ARFGEF3: variants seen among roughly 807,000 people sequenced by gnomAD.
ARFGEF3 encodes the protein ARFGEF family member 3.
ARFGEF3 carries 96 observed loss-of-function variants against 221.7 expected under a neutral mutation model. That is an observed-to-expected ratio of 0.43 (90% confidence interval 0.37 to 0.51). The LOEUF (loss-of-function observed/expected upper bound fraction) is 0.51, where lower values mean the gene tolerates loss of function less well. Ranked by LOEUF, ARFGEF3 falls within the 20% of genes least tolerant of loss-of-function variation. The pLI is 0.00. For synonymous variants in ARFGEF3, 1,145 were observed against 1,126.8 expected, an observed-to-expected ratio of 1.02 and a Z score of -0.32; for missense variants, 2,410 against 2,789.9, an observed-to-expected ratio of 0.86 and a Z score of 3.07.
At position 138,317,294 on chromosome 6, in the gene ARFGEF3, G is replaced by A. The variant is rs765503622; in HGVS notation, c.4389G>A (p.Ala1463=). Residue 1463 remains alanine, a synonymous_variant, in exon 27 of 34, where the codon GCG becomes GCA. Coordinates refer to ENST00000251691, the MANE Select transcript of ARFGEF3 (RefSeq NM_020340.5). ...TAATCCTGCTGGAGCAGCTGACAGC[G>A]GCTGTGTCCAATTGTCCACGGCAGC... ...VWIILLEQLT[A]AVSNCPRQHQ... is the part of the protein sequence containing the mutation. 2.2e-5 allele frequency: 36 copies of A among 1,613,626 alleles called. No homozygotes were observed. Among genetic ancestry groups the A allele is most frequent in the African/African-American group, 1.1e-4 (8 of 74,924 alleles).
At chr6:138,215,418 A>G in intron 4 of ARFGEF3, among the ~76,000 whole-genome samples, 1 of 152,158 alleles carries the variant, frequency 6.6e-6, no homozygotes, top group East Asian at 1.9e-4. Context: ...GCATTTTTAG[A>G]TAATAGAAGT....
chr6:138,243,065 G>T lies in ARFGEF3; in HGVS notation c.586+71G>T. The stretch of plus-strand genomic sequence containing the variant: ...AGAATGCCTACTGTGTGCTTGGAGT[G>T]AGGGGTACAAAGATGTCTAGGAGCT... On this transcript the variant is annotated intron_variant, in intron 7 of 33. Transcript: ENST00000251691. The T allele has an allele frequency of 2.5e-6, 3 of 1,221,722 alleles. No homozygotes were observed. The East Asian group carries it at 7.1e-5, about 29-fold the overall frequency. The allele number at this position is 1,221,722 out of a possible 1,614,324, so 75.7% of individuals were successfully genotyped here. A position where few individuals can be genotyped will look rare whatever the true frequency, so the allele number is the denominator to read the frequency against.
At chr6:138,260,604 A>G (rs1437049852) in intron 10 of ARFGEF3, among the ~76,000 whole-genome samples, 1 of 152,232 alleles carries the variant, frequency 6.6e-6, no homozygotes, top group African/African-American at 2.4e-5. Flanking sequence ...CTAATTCTCC[A>G]GCTTAGTTAG....
Position 138,292,166 on chromosome 6 carries a change from C to A in ARFGEF3, c.3368+113C>A, listed in dbSNP as rs369355132. Reference sequence around the variant, plus strand: ...CCATTTGTTAGCCAATCACTTAAATCTCTTCCATCTTTTTCAAGCTTAGTT... The same window carrying A: ...CCATTTGTTAGCCAATCACTTAAATATCTTCCATCTTTTTCAAGCTTAGTT... On this transcript the variant is annotated intron_variant, in intron 19 of 33. Coordinates refer to ENST00000251691, the MANE Select transcript of ARFGEF3 (RefSeq NM_020340.5). 818 of 890,282 alleles carry A rather than the reference C, an allele frequency of 9.2e-4. 6 individuals carry two copies. The South Asian group carries it at 0.02, about 21-fold the overall frequency. The allele number at this position is 890,282 out of a possible 1,614,324, so 55.1% of individuals were successfully genotyped here.
intron 25 of ARFGEF3, among the ~76,000 whole-genome samples, chr6:138,313,562 G>T (rs1009919925): frequency 4.2e-4 from 64 of 152,284 alleles, no homozygotes; most frequent in African/African-American, 1.5e-3. Flanking sequence ...ATTATCCATA[G>T]GATCCTTTTT....
Position 138,262,878 on chromosome 6 carries a change from T to C in ARFGEF3, c.1395T>C (p.Ala465=), listed in dbSNP as rs1778818864. Residue 465 remains alanine (A), a synonymous_variant, in exon 12 of 34, where the codon GCT becomes GCC. Transcript: ENST00000251691. Reference sequence around the variant, plus strand: ...GCCTTGAGGAGCTGAAGGATGGGGCTGAGTGGAGCCGAGATTCCATGGAGA... The same window carrying C: ...GCCTTGAGGAGCTGAAGGATGGGGCCGAGTGGAGCCGAGATTCCATGGAGA... ...LLRLEELKDG[A]EWSRDSMEIN... The C allele has an allele frequency of 6.2e-7, 1 of 1,613,658 alleles. No homozygotes were observed. Among genetic ancestry groups the C allele is most frequent in the African/African-American group, 1.3e-5 (1 of 74,928 alleles).
chr6:138,312,606 C>T (rs1026155910), intron 25 of ARFGEF3, among the ~76,000 whole-genome samples: 10 of 152,160 alleles, frequency 6.6e-5, no homozygotes, highest in African/African-American at 2.4e-4. Context: ...GGACTCTCTC[C>T]CCAGATTCTA....
chr6:138,259,001 C>T (rs1334182649), intron 10 of ARFGEF3, among the ~76,000 whole-genome samples: 1 of 152,208 alleles, frequency 6.6e-6, no homozygotes, highest in African/African-American at 2.4e-5. Context: ...GATGTTCTAG[C>T]TTCCCAAGGT....
At chr6:138,333,849 A>T in intron 32 of ARFGEF3, 121 bp from the exon 33 acceptor site, 1 of 1,073,766 alleles carries the variant, frequency 9.3e-7, no homozygotes, top group Non-Finnish European at 1.3e-6. Flanking sequence ...ACATTTGAGT[A>T]GAGGTAGTTT....
chr6:138,258,290 A>G (rs1778722396), intron 10 of ARFGEF3, among the ~76,000 whole-genome samples: 1 of 152,220 alleles, frequency 6.6e-6, no homozygotes, highest in African/African-American at 2.4e-5. Context: ...CCCTTCACAG[A>G]ATTGAGTGGT....
At chr6:138,251,829 C>A (rs977772736) in intron 8 of ARFGEF3, among the ~76,000 whole-genome samples, 3 of 152,036 alleles carry the variant, frequency 2.0e-5, no homozygotes, top group Non-Finnish European at 2.9e-5. Context: ...TCTCATAGAA[C>A]CTTGCGTTAA....
intron 12 of ARFGEF3, among the ~76,000 whole-genome samples, chr6:138,275,528 G>A (rs1779080699): frequency 6.6e-6 from 1 of 152,022 alleles, no homozygotes; most frequent in African/African-American, 2.4e-5. Flanking sequence ...AGGCAGGTGG[G>A]TCACGAGGTC....
intron 23 of ARFGEF3, among the ~76,000 whole-genome samples, chr6:138,308,019 G>T (rs1193210387): frequency 6.6e-6 from 1 of 152,184 alleles, no homozygotes; most frequent in African/African-American, 2.4e-5. Flanking sequence ...TCCCAGGAGG[G>T]ATCACACAGA....
intron 27 of ARFGEF3, 119 bp downstream of exon 27, chr6:138,317,498 C>A: frequency 1.6e-6 from 2 of 1,218,642 alleles, no homozygotes; most frequent in South Asian, 1.3e-5. Flanking sequence ...ACAAAGCTCA[C>A]ACGTAAGAGG....
chr6:138,304,331 A>G (rs897601767), intron 22 of ARFGEF3, among the ~76,000 whole-genome samples: 1 of 152,200 alleles, frequency 6.6e-6, no homozygotes, highest in African/African-American at 2.4e-5. Flanking sequence ...TGGTTGCCTC[A>G]GGCTGAGGGT....
intron 31 of ARFGEF3, among the ~76,000 whole-genome samples, chr6:138,327,022 G>C (rs529111381): frequency 6.6e-6 from 1 of 152,278 alleles, no homozygotes; most frequent in East Asian, 1.9e-4. Context: ...AACACTGCAT[G>C]TTCTCACTTA....
At position 138,339,693 on chromosome 6, in the gene ARFGEF3, G is replaced by A. The variant is rs1041917791; in HGVS notation, c.*3207G>A. 2.0e-5 allele frequency: 3 copies of A among 152,120 alleles called. No individual in the cohort carries two copies. The highest frequency in any genetic ancestry group is 1.9e-4 in the East Asian group (1 of 5,188). The allele number at this position is 152,120 out of a possible 1,614,324, so 9.4% of individuals were successfully genotyped here. A position where few individuals can be genotyped will look rare whatever the true frequency, so the allele number is the denominator to read the frequency against. On this transcript the variant is annotated 3_prime_UTR_variant, in exon 34 of 34. Coordinates refer to ENST00000251691, the MANE Select transcript of ARFGEF3 (RefSeq NM_020340.5). ...TCTCTCTGTCATTAATGAGGACATC[G>A]GTTTTCACAATTGAACCTCATGCAC...
At chr6:138,171,169 T>C (rs914179820) in intron 2 of ARFGEF3, among the ~76,000 whole-genome samples, 1 of 151,744 alleles carries the variant, frequency 6.6e-6, no homozygotes, top group Non-Finnish European at 1.5e-5. Flanking sequence ...TATGATAGCA[T>C]AGCATTTTAC....
chr6:138,292,909 T>C (rs1216360799), intron 19 of ARFGEF3, among the ~76,000 whole-genome samples: 1 of 152,196 alleles, frequency 6.6e-6, no homozygotes, highest in Non-Finnish European at 1.5e-5. Flanking sequence ...TATACAGGTG[T>C]CAGGTGGAAT....
Sources: allele counts gnomAD v4.1 joint callset (sites outside exome capture counted in the v4.1 genomes callset), GRCh38; gene constraint gnomAD v4.1.1; transcripts MANE v1.5; gene names NCBI Gene and HGNC (gene_info 2026-07-23, HGNC 2026-07-21).